Variants in FCRL5 observed in about 807,000 individuals in gnomAD.
FCRL5 encodes Fc receptor-like protein 5.
In FCRL5, 79 loss-of-function variants were observed where a neutral mutation model predicts 92.1. That is an observed-to-expected ratio of 0.86 (90% CI 0.72 to 1.03). FCRL5 has a LOEUF of 1.03. Ranked by LOEUF, FCRL5 falls within the 50% of genes least tolerant of loss-of-function variation. The pLI is 0.00. For synonymous variants in FCRL5, 466 were observed against 469.3 expected, an observed-to-expected ratio of 0.99 and a Z score of 0.09; for missense variants, 1,160 against 1,181.1, an observed-to-expected ratio of 0.98 and a Z score of 0.26.
chr1:157,530,452 C>T (rs777583984), intron 8 of FCRL5, among the ~76,000 whole-genome samples: 12 of 152,224 alleles, frequency 7.9e-5, no homozygotes, highest in South Asian at 2.1e-4. Flanking sequence ...GCACAACCTC[C>T]GCCATCCGGG....
At chr1:157,537,779 G>A (rs1331598090) in intron 7 of FCRL5, among the ~76,000 whole-genome samples, 3 of 152,090 alleles carry the variant, frequency 2.0e-5, no homozygotes, top group Admixed American at 6.5e-5. Context: ...CTGACACTTA[G>A]GGAAAATAGA....
Position 157,542,907 on chromosome 1 carries a change from T to C in FCRL5, c.1075A>G (p.Asn359Asp). Residue 359 changes from asparagine (N) to aspartate (D), a missense_variant, in exon 6 of 17, where the codon AAT (asparagine) becomes GAT (aspartate). Coordinates refer to ENST00000361835, the MANE Select transcript of FCRL5 (RefSeq NM_031281.3). ...NSGNYYCTAD[N>D]GLGAKPSKAV... ...TTACTGGGCTTGGCGCCAAGGCCATTGTCAGCTGTGCAGTAGTAGTTCCCT... is the reference window on the plus strand; with the variant it reads ...TTACTGGGCTTGGCGCCAAGGCCATCGTCAGCTGTGCAGTAGTAGTTCCCT... 6.2e-7 allele frequency: 1 copy of C among 1,614,038 alleles called. No individual in the cohort carries two copies. Among genetic ancestry groups the C allele is most frequent in the Non-Finnish European group, 8.5e-7 (1 of 1,180,028 alleles).
At chr1:157,539,774 A>T (rs977049224) in intron 6 of FCRL5, among the ~76,000 whole-genome samples, 12 of 152,222 alleles carry the variant, frequency 7.9e-5, no homozygotes, top group Non-Finnish European at 1.6e-4. Context: ...ATGCAGACTC[A>T]CTGGGCTAAA....
At chr1:157,536,205 G>A (rs1650965317) in intron 7 of FCRL5, among the ~76,000 whole-genome samples, 1 of 152,034 alleles carries the variant, frequency 6.6e-6, no homozygotes, top group Non-Finnish European at 1.5e-5. Context: ...GCCTCCCAAA[G>A]TGCTGGAATT....
At chr1:157,528,002 T>C (rs757070088) in intron 8 of FCRL5, 107 bp from the exon 9 acceptor site, 111 of 1,295,276 alleles carry the variant, frequency 8.6e-5, no homozygotes, top group Non-Finnish European at 1.1e-4. Flanking sequence ...GACATCCAAA[T>C]TGGTAAAGAG....
intron 10 of FCRL5, chr1:157,522,701 CAATT>C (rs1420231658): frequency 2.0e-5 from 3 of 152,186 alleles, no homozygotes; most frequent in Non-Finnish European, 4.4e-5. Flanking sequence ...GATTCAGACA[CAATT>C]CATTCAGGCT....
intron 2 of FCRL5, among the ~76,000 whole-genome samples, chr1:157,547,866 G>A (rs1406750788): frequency 2.6e-5 from 4 of 152,186 alleles, no homozygotes; most frequent in Admixed American, 2.6e-4. Flanking sequence ...GGCAGTAAGA[G>A]CCAGAACTAA....
At chr1:157,539,466 G>T in intron 6 of FCRL5, 102 bp from the exon 7 acceptor site, 1 of 1,125,118 alleles carries the variant, frequency 8.9e-7, no homozygotes, top group East Asian at 2.6e-5. Flanking sequence ...TAAGCCAAAG[G>T]GAAAAGTCAA....
chr1:157,544,119 G>A lies in FCRL5; in HGVS notation c.844+143C>T, dbSNP rs1651404998. ...AAGCTCTTCTAAGATGTTCACAAGAGTAGAGGTCTCTTTGCTTGCACAACT... is the reference window on the plus strand; with the variant it reads ...AAGCTCTTCTAAGATGTTCACAAGAATAGAGGTCTCTTTGCTTGCACAACT... On this transcript the variant is annotated intron_variant, in intron 5 of 16. Coordinates refer to ENST00000361835, the MANE Select transcript of FCRL5 (RefSeq NM_031281.3). 3.6e-6 allele frequency: 3 copies of A among 824,474 alleles called. No homozygotes were observed. In the South Asian group the frequency reaches 4.9e-5, roughly 13 times the overall value. The allele number at this position is 824,474 out of a possible 1,614,324, so 51.1% of individuals were successfully genotyped here. A position where few individuals can be genotyped will look rare whatever the true frequency, so the allele number is the denominator to read the frequency against.
chr1:157,517,437 T>C (rs1415653966), intron 15 of FCRL5, among the ~76,000 whole-genome samples: 2 of 152,122 alleles, frequency 1.3e-5, no homozygotes, highest in Non-Finnish European at 2.9e-5. Flanking sequence ...GACCCTGAGA[T>C]AGGGAGATTA....
intron 7 of FCRL5, among the ~76,000 whole-genome samples, 185 bp from the exon 8 acceptor site, chr1:157,535,077 A>G (rs1211167754): frequency 6.6e-6 from 1 of 152,098 alleles, no homozygotes; most frequent in African/African-American, 2.4e-5. Context: ...CTATCTGTTC[A>G]TCTTTCCAGG....
intron 12 of FCRL5, 25 bp downstream of exon 12, chr1:157,520,406 C>A (rs766997635): frequency 1.3e-6 from 2 of 1,520,470 alleles, no homozygotes; most frequent in Admixed American, 3.7e-5. Context: ...TGAACTCAAG[C>A]CAAGGTGTGC....
rs1031653770 is a variant in FCRL5, at chr1:157,548,113, C to T, written c.53-916G>A. On this transcript the variant is annotated intron_variant, in intron 2 of 16. Transcript: ENST00000361835. ...TGCCATGGAGTTGAAGATGTCCTGCCTGGCTAAATGGGGTCTGTTGGCAAT... is the reference window on the plus strand; with the variant it reads ...TGCCATGGAGTTGAAGATGTCCTGCTTGGCTAAATGGGGTCTGTTGGCAAT... Among the ~76,000 whole-genome samples the T allele has an allele frequency of 5.9e-5, 9 of 152,362 alleles. No homozygotes were observed. The East Asian group carries it at 1.7e-3, about 29-fold the overall frequency.
chr1:157,545,133 C>G (rs2101643871), intron 3 of FCRL5, 51 bp from the exon 4 acceptor site: 1 of 1,552,156 alleles, frequency 6.4e-7, no homozygotes, highest in Non-Finnish European at 8.6e-7. Context: ...TTTCCCCTTT[C>G]TTTTCATTGT....
chr1:157,516,199 G>C (rs1403670654), intron 15 of FCRL5: 1 of 434,444 alleles, frequency 2.3e-6, no homozygotes, highest in Admixed American at 3.4e-5. Context: ...GGAAGGTGTG[G>C]TGGGTGCAAG....
intron 8 of FCRL5, among the ~76,000 whole-genome samples, chr1:157,529,483 A>G (rs1034899421): frequency 2.6e-5 from 4 of 152,204 alleles, no homozygotes; most frequent in African/African-American, 7.2e-5. Context: ...TATATGAAAA[A>G]GACACTTGCA....
intron 6 of FCRL5, among the ~76,000 whole-genome samples, chr1:157,539,886 T>C (rs1355532802): frequency 6.6e-6 from 1 of 152,246 alleles, no homozygotes; most frequent in Non-Finnish European, 1.5e-5. Flanking sequence ...TGTTTGTCTG[T>C]TATTTACACA....
Position 157,517,352 on chromosome 1 carries a change from G to A in FCRL5, c.2812+1077C>T, listed in dbSNP as rs144567386. ...AATAATGTGCCCCCAAAGATGTCAC[G>A]CCCTAATTGCTGCAACCTGTGACTA... On this transcript the variant is annotated intron_variant, in intron 15 of 16. Transcript: ENST00000361835. Among the ~76,000 whole-genome samples the A allele has an allele frequency of 6.1e-3, 929 of 152,278 alleles. 4 individuals are homozygous for A. Among genetic ancestry groups the A allele is most frequent in the South Asian group, 0.026 (127 of 4,822 alleles).
intron 3 of FCRL5, among the ~76,000 whole-genome samples, chr1:157,546,474 C>A (rs1651543154): frequency 6.6e-6 from 1 of 151,810 alleles, no homozygotes; most frequent in South Asian, 2.1e-4. Flanking sequence ...CCAAACCAAA[C>A]CAAACCAAAC....
Sources: gnomAD v4.1 joint callset for allele counts (sites outside exome capture counted in the v4.1 genomes callset) on GRCh38, gnomAD v4.1.1 for gene constraint, MANE v1.5 for transcripts, NCBI Gene and HGNC (gene_info 2026-07-23, HGNC 2026-07-21) for gene names.